The following DYNC1H1 variants were observed in gnomAD, a reference collection of about 807,000 sequenced individuals.
The protein encoded by DYNC1H1 is dynein cytoplasmic 1 heavy chain 1, also known as cytoplasmic dynein 1 heavy chain 1.
A neutral mutation model predicts 527.1 loss-of-function variants in DYNC1H1; 51 were observed. The ratio of observed to expected loss-of-function variants is 0.10; its 90% CI spans 0.08 to 0.12. The LOEUF (loss-of-function observed/expected upper bound fraction) is 0.12. Ranked by LOEUF, DYNC1H1 falls within the 10% of genes least tolerant of loss-of-function variation. The pLI is 1.00. For synonymous variants in DYNC1H1, 2,189 were observed against 2,278.8 expected, an observed-to-expected ratio of 0.96 and a Z score of 1.12; for missense variants, 2,771 against 5,971.8, an observed-to-expected ratio of 0.46 and a Z score of 17.66.
intron 42 of DYNC1H1, among the ~76,000 whole-genome samples, chr14:102,021,660 T>C (rs1049429158): frequency 2.0e-5 from 3 of 146,692 alleles, no homozygotes; most frequent in Non-Finnish European, 4.5e-5. Flanking sequence ...CTTTTTCTTT[T>C]TTTTTTTTTT....
intron 15 of DYNC1H1, 147 bp downstream of exon 15, chr14:101,995,447 TA>T: frequency 1.9e-6 from 2 of 1,058,154 alleles, no homozygotes; most frequent in South Asian, 2.6e-5. Context: ...CTGTCTCTAC[TA>T]AAAATACAAA....
rs891066334 is a variant in DYNC1H1 at position 102,056,155 on chromosome 14, C to G, written c.*5592C>G. On this transcript the variant is annotated 3_prime_UTR_variant, in exon 78 of 78. Transcript: ENST00000360184. Reference sequence around the variant, plus strand: ...TGGGCCTGCCTGGCCTAAACCTAGTCGTTAAAAATCAGCTCATGACTTAGA... The same window carrying G: ...TGGGCCTGCCTGGCCTAAACCTAGTGGTTAAAAATCAGCTCATGACTTAGA... 1 of 152,170 alleles carries G rather than the reference C, an allele frequency of 6.6e-6. No homozygotes were observed. The highest frequency in any genetic ancestry group is 1.5e-5 in the Non-Finnish European group (1 of 68,034). The allele number at this position is 152,170 out of a possible 1,614,324, so 9.4% of individuals were successfully genotyped here.
In DYNC1H1 at chr14:102,022,887, A is replaced by C. The variant is rs2048402266; in HGVS notation, c.8637+7A>C. On this transcript the variant is annotated splice_region_variant and intron_variant, in intron 43 of 77. Coordinates refer to ENST00000360184, the MANE Select transcript of DYNC1H1 (RefSeq NM_001376.5). The stretch of plus-strand genomic sequence containing the variant: ...CAGCAACTGGCTGTCAAAGGTAGCA[A>C]ACTCGCATCATTTCAGACATACTTC... The C allele has an allele frequency of 6.2e-7, 1 of 1,614,202 alleles. No homozygotes were observed. Among genetic ancestry groups the C allele is most frequent in the South Asian group, 1.1e-5 (1 of 91,080 alleles).
chr14:102,015,257 A>G lies in DYNC1H1; in HGVS notation c.7167A>G (p.Glu2389=). The G allele has an allele frequency of 6.2e-7, 1 of 1,614,198 alleles. No homozygotes were observed. The highest frequency in any genetic ancestry group is 2.2e-5 in the East Asian group (1 of 44,884). Residue 2389 remains glutamate, a synonymous_variant, in exon 35 of 78, where the codon GAA becomes GAG. Coordinates refer to ENST00000360184, the MANE Select transcript of DYNC1H1 (RefSeq NM_001376.5). The surrounding 1 kb of genome is among the most constrained non-coding windows in gnomAD (Gnocchi z 6.9). ...LARLRSIPLD[E]GEDEAQRRRK... ...GGCTGCGCAGCATCCCGCTGGATGA[A>G]GGGGAGGATGAGGCACAGCGGCGGC...
At position 102,038,376 on chromosome 14, in the gene DYNC1H1, C is replaced by A; in HGVS notation, c.10909-84C>A. 6.4e-7 allele frequency: 1 copy of A among 1,569,542 alleles called. No homozygotes were observed. The highest frequency in any genetic ancestry group is 1.2e-5 in the South Asian group (1 of 86,634). ...GTGGCTTTTGGGAAGGTATGCTTAT[C>A]CAGAGTAGGACAGCAACATAGCATT... On this transcript the variant is annotated intron_variant, in intron 57 of 77. Coordinates refer to ENST00000360184, the MANE Select transcript of DYNC1H1 (RefSeq NM_001376.5). The surrounding 1 kb of genome is among the most constrained non-coding windows in gnomAD (Gnocchi z 7.2).
At chr14:102,004,059 G>C (rs1219438298) in intron 23 of DYNC1H1, among the ~76,000 whole-genome samples, 2 of 151,948 alleles carry the variant, frequency 1.3e-5, no homozygotes, top group East Asian at 3.9e-4. Context: ...GGCTAACATG[G>C]TGAAACCCCG....
chr14:102,033,944 T>G lies in DYNC1H1; in HGVS notation c.10414-32T>G. On this transcript the variant is annotated intron_variant, in intron 54 of 77. Transcript: ENST00000360184. The surrounding 1 kb of genome is among the most constrained non-coding windows in gnomAD (Gnocchi z 5.6). Reference sequence around the variant, plus strand: ...TCGGTATAAATCCTGAAAGGCCTCATCCCTGAGCATCTTGTTCGGTTTTCC... The same window carrying G: ...TCGGTATAAATCCTGAAAGGCCTCAGCCCTGAGCATCTTGTTCGGTTTTCC... The G allele has an allele frequency of 6.2e-7, 1 of 1,611,304 alleles. No homozygotes were observed. Among genetic ancestry groups the G allele is most frequent in the Non-Finnish European group, 8.5e-7 (1 of 1,178,360 alleles).
chr14:102,010,880 G>T lies in DYNC1H1; in HGVS notation c.6546G>T (p.Leu2182=). The T allele has an allele frequency of 6.2e-7, 1 of 1,614,262 alleles. No individual in the cohort carries two copies. Among genetic ancestry groups the T allele is most frequent in the Non-Finnish European group, 8.5e-7 (1 of 1,180,048 alleles). The change falls in exon 32 of 78, where the codon CTG becomes CTT. Residue 2182 remains leucine (L), a synonymous_variant. Coordinates refer to ENST00000360184, the MANE Select transcript of DYNC1H1 (RefSeq NM_001376.5). The surrounding 1 kb of genome is among the most constrained non-coding windows in gnomAD (Gnocchi z 6.0). ...RGEMTALREE[L]KKVCQEMYLT... ...AGATGACTGCCCTTCGAGAGGAGCT[G>T]AAGAAAGTGTGTCAGGAGATGTATT...
intron 29 of DYNC1H1, chr14:102,009,505 CTTT>C (rs34292577): frequency 1.9e-3 from 486 of 257,366 alleles, no homozygotes; most frequent in South Asian, 3.7e-3. Context: ...GCATTTATTC[CTTT>C]TTTTTTTTTT....
In DYNC1H1 at chr14:102,017,676, A is replaced by G; in HGVS notation, c.8177+172A>G. The G allele has an allele frequency of 7.6e-7, 1 of 1,314,896 alleles. No homozygotes were observed. Among genetic ancestry groups the G allele is most frequent in the Non-Finnish European group, 1.1e-6 (1 of 947,094 alleles). 81.5% of individuals were successfully genotyped at this position (1,314,896 alleles called of 1,614,324 possible). ...AATGCCAGGAAAACATGTTAAAAAT[A>G]AAAGCATTGGCCGGGCGCAGTGGCT... On this transcript the variant is annotated intron_variant, in intron 40 of 77. Transcript: ENST00000360184. The surrounding 1 kb of genome is among the most constrained non-coding windows in gnomAD (Gnocchi z 4.6).
chr14:102,014,973 G>A, intron 34 of DYNC1H1, 132 bp from the exon 35 acceptor site: 1 of 1,019,678 alleles, frequency 9.8e-7, no homozygotes, highest in East Asian at 2.6e-5. Context: ...ACGCCACCAT[G>A]CCTGGCTACT....
chr14:102,029,282 C>T lies in DYNC1H1; in HGVS notation c.9469-257C>T. The T allele has an allele frequency of 1.9e-6, 1 of 528,594 alleles. No homozygotes were observed. The highest frequency in any genetic ancestry group is 3.2e-5 in the Admixed American group (1 of 31,388). The allele number at this position is 528,594 out of a possible 1,614,324, so 32.7% of individuals were successfully genotyped here. A position where few individuals can be genotyped will look rare whatever the true frequency, so the allele number is the denominator to read the frequency against. ...GTAACTGACATTTGTGATGCCTTTTCACATAAGTACACCTCTAAAGTTGGT... is the reference window on the plus strand; with the variant it reads ...GTAACTGACATTTGTGATGCCTTTTTACATAAGTACACCTCTAAAGTTGGT... On this transcript the variant is annotated intron_variant, in intron 48 of 77. Coordinates refer to ENST00000360184, the MANE Select transcript of DYNC1H1 (RefSeq NM_001376.5). This position sits in a 1 kb window ranked among gnomAD's most constrained non-coding sequence, Gnocchi z 5.3.
At chr14:102,028,994 A>G (rs906709935) in intron 48 of DYNC1H1, 1 of 172,438 alleles carries the variant, frequency 5.8e-6, no homozygotes, top group Admixed American at 5.4e-5. Context: ...GTGTGATAGA[A>G]GAATTCAGTC....
intron 10 of DYNC1H1, among the ~76,000 whole-genome samples, chr14:101,990,438 G>C (rs992842928): frequency 3.3e-5 from 5 of 152,216 alleles, no homozygotes; most frequent in African/African-American, 9.7e-5. Flanking sequence ...AGCACCTGCT[G>C]TCTGACTTAT....
chr14:102,006,067 G>A lies in DYNC1H1; in HGVS notation c.5613G>A (p.Glu1871=), dbSNP rs2141289679. The A allele has an allele frequency of 6.2e-7, 1 of 1,614,236 alleles. No homozygotes were observed. Among genetic ancestry groups the A allele is most frequent in the Non-Finnish European group, 8.5e-7 (1 of 1,180,042 alleles). The part of the protein sequence containing the change: ...MANAKFNYGF[E]YLGVQDKLVQ... Reference sequence around the variant, plus strand: ...ATGCCAAATTTAACTATGGCTTTGAGTACCTGGGTGTTCAGGACAAACTGG... The same window carrying A: ...ATGCCAAATTTAACTATGGCTTTGAATACCTGGGTGTTCAGGACAAACTGG... Residue 1871 remains glutamate, a synonymous_variant, in exon 27 of 78, where the codon GAG becomes GAA. Coordinates refer to ENST00000360184, the MANE Select transcript of DYNC1H1 (RefSeq NM_001376.5).
rs775007872 is a variant in DYNC1H1, at chr14:102,004,645, T to G, written c.5011T>G (p.Ser1671Ala). ...VSSIILNEDN[S>A]VVLGISSREG... The stretch of plus-strand genomic sequence containing the variant: ...GAGCATCATCCTGAACGAGGATAAC[T>G]CTGTTGTTTTGGGTATTTCATCTCG... Residue 1671 changes from serine (S) to alanine (A), a missense_variant, in exon 24 of 78, where the codon TCT becomes GCT. By Grantham distance (99) the Ser-to-Ala change is moderately conservative (BLOSUM62 1). Coordinates refer to ENST00000360184, the MANE Select transcript of DYNC1H1 (RefSeq NM_001376.5). 5 of 1,614,230 alleles carry G rather than the reference T, an allele frequency of 3.1e-6. No individual in the cohort carries two copies. The highest frequency in any genetic ancestry group is 3.3e-4 in the Middle Eastern group (2 of 6,062).
intron 10 of DYNC1H1, among the ~76,000 whole-genome samples, chr14:101,989,225 A>T (rs912561356): frequency 3.9e-5 from 6 of 152,244 alleles, no homozygotes; most frequent in Non-Finnish European, 8.8e-5. Context: ...AAAAAACTAC[A>T]CTGGAAAAAA....
At position 102,044,520 on chromosome 14, in the gene DYNC1H1, A is replaced by G. The variant is rs531063837; in HGVS notation, c.12902+29A>G. On this transcript the variant is annotated intron_variant, in intron 71 of 77. Transcript: ENST00000360184. The surrounding 1 kb of genome is among the most constrained non-coding windows in gnomAD (Gnocchi z 7.1). ...TGCTGCTGCCTGCTGGAATGGAGAC[A>G]GTTGTGATGTCAGGGCGTCTGGTGT... The G allele has an allele frequency of 1.4e-5, 23 of 1,614,152 alleles. 1 individual carries two copies. The South Asian group carries it at 2.3e-4, about 16-fold the overall frequency.
intron 15 of DYNC1H1, among the ~76,000 whole-genome samples, chr14:101,996,135 CT>C (rs537429528): frequency 1.0e-3 from 146 of 142,362 alleles, no homozygotes; most frequent in Middle Eastern, 3.7e-3. Flanking sequence ...CTTTTCTTTT[CT>C]TTTTTTTTTT....
Sources: gnomAD v4.1 joint callset for allele counts (sites outside exome capture counted in the v4.1 genomes callset) on GRCh38, gnomAD v4.1.1 for gene constraint, Gnocchi (gnomAD v3.1) non-coding constraint, MANE v1.5 for transcripts, NCBI Gene and HGNC (gene_info 2026-07-23, HGNC 2026-07-21) for gene names.